The following CYB5R4 variants were observed in gnomAD, a reference collection of about 807,000 sequenced individuals.
The protein encoded by CYB5R4 is cytochrome b5 reductase 4.
Under a neutral mutation model 70.2 loss-of-function variants are expected in CYB5R4, and 55 were observed. The observed-to-expected ratio is 0.78, with a 90% CI of 0.63 to 0.98. The LOEUF (loss-of-function observed/expected upper bound fraction) is 0.98. Among genes scored for constraint, CYB5R4 ranks in the 50% least tolerant of loss-of-function variants. The pLI is 0.00. For missense variants in CYB5R4, 562 were observed against 612.6 expected, an observed-to-expected ratio of 0.92 and a Z score of 0.87; for synonymous variants, 197 against 199.5, an observed-to-expected ratio of 0.99 and a Z score of 0.11.
At chr6:83,959,783 C>T (rs563998796) in intron 15 of CYB5R4, 41 bp from the exon 16 acceptor site, 1 of 1,542,668 alleles carries the variant, frequency 6.5e-7, no homozygotes, top group South Asian at 1.2e-5. Flanking sequence ...CATTTTAAAG[C>T]ATTTTCCCTA....
intron 4 of CYB5R4, among the ~76,000 whole-genome samples, chr6:83,911,219 A>G (rs187821589): frequency 1.4e-3 from 206 of 152,306 alleles, no homozygotes; most frequent in African/African-American, 4.6e-3. Context: ...AGCTTGGGCA[A>G]TATAGTGAAA....
At chr6:83,945,619 C>G (rs2099470460) in intron 14 of CYB5R4, among the ~76,000 whole-genome samples, 1 of 152,032 alleles carries the variant, frequency 6.6e-6, no homozygotes, top group African/African-American at 2.4e-5. Context: ...TTCAAAAAAT[C>G]AATGACTCCA....
intron 12 of CYB5R4, among the ~76,000 whole-genome samples, chr6:83,937,812 C>A (rs1378548810): frequency 6.6e-6 from 1 of 152,190 alleles, no homozygotes; most frequent in Non-Finnish European, 1.5e-5. Context: ...AGCCACTGTG[C>A]CCAGCCAGTA....
chr6:83,908,447 A>G (rs1043960550), intron 3 of CYB5R4, among the ~76,000 whole-genome samples: 1 of 152,208 alleles, frequency 6.6e-6, no homozygotes, highest in Non-Finnish European at 1.5e-5. Flanking sequence ...TTGTAGCACT[A>G]ATCTTTTTGA....
At chr6:83,926,840 A>C (rs2099467372) in intron 10 of CYB5R4, among the ~76,000 whole-genome samples, 1 of 152,196 alleles carries the variant, frequency 6.6e-6, no homozygotes, top group South Asian at 2.1e-4. Flanking sequence ...TTCTTAAATG[A>C]ACTTGTATTG....
chr6:83,926,652 A>T (rs77531155), intron 10 of CYB5R4, among the ~76,000 whole-genome samples: 3 of 152,178 alleles, frequency 2.0e-5, no homozygotes, highest in African/African-American at 7.2e-5. Flanking sequence ...TTATGACTTC[A>T]ACATATGTGT....
At chr6:83,923,731 G>T (rs1378687700) in intron 9 of CYB5R4, among the ~76,000 whole-genome samples, 1 of 151,976 alleles carries the variant, frequency 6.6e-6, no homozygotes, top group African/African-American at 2.4e-5. Flanking sequence ...TCATTCTCAT[G>T]AGGCTCTTCT....
At position 83,940,691 on chromosome 6, in the gene CYB5R4, C is replaced by G. The variant is rs1035987246; in HGVS notation, c.1346+90C>G. The G allele has an allele frequency of 1.6e-5, 22 of 1,393,230 alleles. 1 individual carries two copies. The South Asian group carries it at 3.0e-4, about 19-fold the overall frequency. The allele number at this position is 1,393,230 out of a possible 1,614,324, so 86.3% of individuals were successfully genotyped here. A position where few individuals can be genotyped will look rare whatever the true frequency, so the allele number is the denominator to read the frequency against. ...CTTCTCTGGTTGAAGCTTTGATTGT[C>G]CAGGAAGCTCCTTCAAAGAAAAAAA... On this transcript the variant is annotated intron_variant, in intron 14 of 15. Coordinates refer to ENST00000369681, the MANE Select transcript of CYB5R4 (RefSeq NM_016230.4).
At chr6:83,909,153 G>C in intron 4 of CYB5R4, 63 bp downstream of exon 4, 1 of 1,383,406 alleles carries the variant, frequency 7.2e-7, no homozygotes, top group East Asian at 2.3e-5. Flanking sequence ...TTTTTAACTT[G>C]GATTTAAACA....
intron 6 of CYB5R4, among the ~76,000 whole-genome samples, chr6:83,918,333 A>T (rs983579334): frequency 6.6e-6 from 1 of 152,114 alleles, no homozygotes; most frequent in Admixed American, 6.5e-5. Flanking sequence ...ATTATAAAAA[A>T]ATACATTAAT....
At chr6:83,924,648 G>A in intron 10 of CYB5R4, 56 bp downstream of exon 10, 1 of 1,574,908 alleles carries the variant, frequency 6.3e-7, no homozygotes, top group Non-Finnish European at 8.7e-7. Context: ...GTTGTTAGTT[G>A]TACAGTTGTA....
At chr6:83,889,224 C>CA (rs1213406109) in intron 2 of CYB5R4, among the ~76,000 whole-genome samples, 1 of 152,192 alleles carries the variant, frequency 6.6e-6, no homozygotes, top group Non-Finnish European at 1.5e-5. Flanking sequence ...TAGTTGAATA[C>CA]ACGAAACAAC....
intron 2 of CYB5R4, among the ~76,000 whole-genome samples, chr6:83,885,510 T>C (rs148543602): frequency 1.3e-5 from 2 of 152,324 alleles, no homozygotes; most frequent in East Asian, 3.9e-4. Flanking sequence ...TGAGCCGTTA[T>C]GGTTCACATG....
rs1349153871 is a variant in CYB5R4 at position 83,859,827 on chromosome 6, G to A, written c.45G>A (p.Gln15=). ...PSQSFPAPRS[Q]QRVASGGRSK... ...AGTCTTTCCCGGCCCCCAGGTCGCA[G>A]CAGCGTGTCGCCTCCGGGGGGCGTA... The change falls in exon 1 of 16, where the codon CAG becomes CAA. Residue 15 remains glutamine, a synonymous_variant. Transcript: ENST00000369681. 1.2e-6 allele frequency: 2 copies of A among 1,613,272 alleles called. No homozygotes were observed. The highest frequency in any genetic ancestry group is 1.7e-6 in the Non-Finnish European group (2 of 1,179,850).
At chr6:83,956,811 G>A (rs1290782039) in intron 15 of CYB5R4, among the ~76,000 whole-genome samples, 16 of 151,188 alleles carry the variant, frequency 1.1e-4, no homozygotes, top group African/African-American at 1.9e-4. Context: ...AGTAAGTCAC[G>A]ATATATGGGG....
Position 83,918,425 on chromosome 6 carries a change from T to A in CYB5R4, c.506+360T>A, listed in dbSNP as rs1185147648. On this transcript the variant is annotated intron_variant, in intron 6 of 15. Transcript: ENST00000369681. ...TCTCACCATCCTTAGATGTATACTA[T>A]TATTTATATTTTCCAGTTAGATTAA... 7.9e-5 allele frequency among the ~76,000 whole-genome samples: 12 copies of A among 152,156 alleles called. No homozygotes were observed. The East Asian group carries it at 2.1e-3, about 27-fold the overall frequency.
At chr6:83,934,516 G>C in intron 10 of CYB5R4, 79 bp from the exon 11 acceptor site, 1 of 1,010,744 alleles carries the variant, frequency 9.9e-7, no homozygotes, top group Non-Finnish European at 1.5e-6. Context: ...CAGAAGCTGA[G>C]TATATGCTTT....
intron 2 of CYB5R4, among the ~76,000 whole-genome samples, chr6:83,891,771 A>G (rs910514800): frequency 1.3e-5 from 2 of 152,180 alleles, no homozygotes; most frequent in Admixed American, 1.3e-4. Context: ...ATAAGGGTCA[A>G]TGTAAAGGGC....
chr6:83,921,531 G>A (rs567016328), intron 8 of CYB5R4, among the ~76,000 whole-genome samples: 1 of 152,132 alleles, frequency 6.6e-6, no homozygotes, highest in Non-Finnish European at 1.5e-5. Context: ...CATTCCACTG[G>A]TCTGTTCCTT....
Sources: gnomAD v4.1 joint callset for allele counts (sites outside exome capture counted in the v4.1 genomes callset) on GRCh38, gnomAD v4.1.1 for gene constraint, MANE v1.5 for transcripts, NCBI Gene and HGNC (gene_info 2026-07-23, HGNC 2026-07-21) for gene names.